The following SEMA4F variants were observed in gnomAD, a reference collection of about 807,000 sequenced individuals.
The protein encoded by SEMA4F is semaphorin-4F.
SEMA4F carries 51 observed loss-of-function variants against 78.4 expected under a neutral mutation model. The observed-to-expected ratio is 0.65, with a 90% confidence interval of 0.52 to 0.82. The LOEUF is 0.82. Ranked by LOEUF, SEMA4F falls within the 40% of genes least tolerant of loss-of-function variation. SEMA4F has a pLI of 0.00. For synonymous variants in SEMA4F, 418 were observed against 408.7 expected, an observed-to-expected ratio of 1.02 and a Z score of -0.27; for missense variants, 938 against 1,014.4, an observed-to-expected ratio of 0.92 and a Z score of 1.02.
At position 74,680,251 on chromosome 2, in the gene SEMA4F, C is replaced by T. The variant is rs761494907; in HGVS notation, c.*42C>T. ...ACTAGTGTATAAGTGATCACTGGAA[C>T]GGAGTGACCACTGAGATGCTGGGGG... On this transcript the variant is annotated 3_prime_UTR_variant, in exon 14 of 14. Coordinates refer to ENST00000357877, the MANE Select transcript of SEMA4F (RefSeq NM_004263.5). 7 of 1,515,712 alleles carry T rather than the reference C, an allele frequency of 4.6e-6. No homozygotes were observed. The highest frequency in any genetic ancestry group is 4.2e-5 in the African/African-American group (3 of 71,842). 93.9% of individuals were successfully genotyped at this position (1,515,712 alleles called of 1,614,324 possible). A position where few individuals can be genotyped will look rare whatever the true frequency, so the allele number is the denominator to read the frequency against.
chr2:74,684,002 AAATG>A (rs1328878581), downstream of SEMA4F: 1 of 152,160 alleles, frequency 6.6e-6, no homozygotes, highest in Non-Finnish European at 1.5e-5. Flanking sequence ...CAAGTGCTCA[AAATG>A]AAGAAAGAGG....
chr2:74,684,083 A>G (rs558983812), downstream of SEMA4F, among the ~76,000 whole-genome samples: 13 of 133,094 alleles, frequency 9.8e-5, no homozygotes, highest in Non-Finnish European at 1.6e-4. Context: ...TATCCACCAA[A>G]TTAACTTTTT....
downstream of SEMA4F, among the ~76,000 whole-genome samples, chr2:74,687,006 G>T (rs771256685): frequency 6.6e-6 from 1 of 151,906 alleles, no homozygotes; most frequent in Non-Finnish European, 1.5e-5. Flanking sequence ...AAGAAGAAAA[G>T]AAAACTAAAG....
intron 1 of SEMA4F, 50 bp from the exon 2 acceptor site, chr2:74,656,484 T>C (rs745313470): frequency 2.8e-5 from 45 of 1,589,014 alleles, no homozygotes; most frequent in South Asian, 1.4e-4. Context: ...TCTTGTGGAC[T>C]TGACCCTTAG....
rs1684296418 is a variant in SEMA4F, at chr2:74,658,981, T to A, written c.456+1030T>A. 1.3e-5 allele frequency among the ~76,000 whole-genome samples: 2 copies of A among 152,218 alleles called. No homozygotes were observed. The highest frequency in any genetic ancestry group is 4.8e-5 in the African/African-American group (2 of 41,454). The stretch of plus-strand genomic sequence containing the variant: ...CCACCCTCATATCTCTGGCTTAGGA[T>A]GCTAATCATAATCATATGCATGATT... On this transcript the variant is annotated intron_variant, in intron 4 of 13. Coordinates refer to ENST00000357877, the MANE Select transcript of SEMA4F (RefSeq NM_004263.5). The surrounding 1 kb of genome is among the most constrained non-coding windows in gnomAD (Gnocchi z 4.3).
downstream of SEMA4F, among the ~76,000 whole-genome samples, chr2:74,685,933 T>C (rs1467602576): frequency 6.6e-6 from 1 of 152,082 alleles, no homozygotes; most frequent in East Asian, 1.9e-4. Context: ...AGAAGACATT[T>C]ATGCAGCCAA....
chr2:74,654,388 T>C lies in SEMA4F; in HGVS notation c.12T>C (p.Ser4=). The C allele has an allele frequency of 6.6e-7, 1 of 1,516,476 alleles. No homozygotes were observed. Among genetic ancestry groups the C allele is most frequent in the Non-Finnish European group, 8.8e-7 (1 of 1,140,352 alleles). 93.9% of individuals were successfully genotyped at this position (1,516,476 alleles called of 1,614,324 possible). A position where few individuals can be genotyped will look rare whatever the true frequency, so the allele number is the denominator to read the frequency against. ...AGGCGGAGCCAAAGATGCCGGCCTC[T>C]GCTGCGCGGCCCCGCCCGGGTCCCG... MPA[S]AARPRPGPGQ... The change falls in exon 1 of 14, where the codon TCT becomes TCC. Residue 4 remains serine (S), a synonymous_variant. Transcript: ENST00000357877.
chr2:74,659,955 C>T (rs1014990172), intron 4 of SEMA4F, among the ~76,000 whole-genome samples: 5 of 152,158 alleles, frequency 3.3e-5, no homozygotes, highest in African/African-American at 1.2e-4. Flanking sequence ...TCAGTGATAG[C>T]TCATTGGACA....
At chr2:74,694,679 G>A in the SEMA4F span, among the ~76,000 whole-genome samples, 3 of 152,174 alleles carry the variant, frequency 2.0e-5, no homozygotes, top group Non-Finnish European at 4.4e-5. Flanking sequence ...ACAGCTCTGT[G>A]TTGCTATCTT....
the SEMA4F span, among the ~76,000 whole-genome samples, chr2:74,705,098 A>T: frequency 6.6e-6 from 1 of 152,246 alleles, no homozygotes; most frequent in Admixed American, 6.5e-5. Context: ...TTTTCTAAAT[A>T]CAAATTACAT....
downstream of SEMA4F, among the ~76,000 whole-genome samples, chr2:74,684,718 C>T (rs1207491917): frequency 6.6e-6 from 1 of 152,176 alleles, no homozygotes; most frequent in Non-Finnish European, 1.5e-5. Flanking sequence ...AATCCCAGCA[C>T]TTTGGGAGGC....
chr2:74,690,063 C>T, the SEMA4F span, among the ~76,000 whole-genome samples: 1 of 152,146 alleles, frequency 6.6e-6, no homozygotes. Flanking sequence ...CTTCTGCAAA[C>T]CCCCTAGCAC....
chr2:74,697,931 C>T, the SEMA4F span, among the ~76,000 whole-genome samples: 1 of 152,136 alleles, frequency 6.6e-6, no homozygotes, highest in African/African-American at 2.4e-5. Flanking sequence ...GTGCACTGGC[C>T]TCAGCCACCC....
chr2:74,684,197 AAG>A (rs1484468493), downstream of SEMA4F, among the ~76,000 whole-genome samples: 1 of 152,140 alleles, frequency 6.6e-6, no homozygotes, highest in African/African-American at 2.4e-5. Flanking sequence ...CCTTGGAAAA[AAG>A]GGAATATGAA....
chr2:74,667,789 T>C (rs372024421), intron 5 of SEMA4F, among the ~76,000 whole-genome samples: 3 of 152,184 alleles, frequency 2.0e-5, no homozygotes, highest in African/African-American at 7.2e-5. Context: ...ATGTTGGAGT[T>C]CCTTAGGCTT....
chr2:74,701,325 C>T, the SEMA4F span, among the ~76,000 whole-genome samples: 1 of 152,148 alleles, frequency 6.6e-6, no homozygotes. Flanking sequence ...GCTACATTCT[C>T]ATCAATGAAT....
chr2:74,704,784 C>T, the SEMA4F span, among the ~76,000 whole-genome samples: 1 of 152,058 alleles, frequency 6.6e-6, no homozygotes, highest in Non-Finnish European at 1.5e-5. Flanking sequence ...TGGATTTGTC[C>T]CTTCCTATCT....
At chr2:74,684,804 A>T (rs560804832), downstream of SEMA4F, among the ~76,000 whole-genome samples, 59 of 152,314 alleles carry the variant, frequency 3.9e-4, 1 homozygote, top group Non-Finnish European at 7.9e-4. Context: ...TCTCTCAAAA[A>T]ATACAAAAGT....
At chr2:74,691,292 G>A in the SEMA4F span, among the ~76,000 whole-genome samples, 1 of 152,178 alleles carries the variant, frequency 6.6e-6, no homozygotes, top group Admixed American at 6.5e-5. Context: ...TGACCATGCT[G>A]CTCACGTACT....
Sources: gnomAD v4.1 joint callset for allele counts (sites outside exome capture counted in the v4.1 genomes callset) on GRCh38, gnomAD v4.1.1 for gene constraint, Gnocchi (gnomAD v3.1) non-coding constraint, MANE v1.5 for transcripts, NCBI Gene and HGNC (gene_info 2026-07-23, HGNC 2026-07-21) for gene names.